Variants in ZNF653 observed in about 807,000 individuals in gnomAD.
The protein encoded by ZNF653 is zinc finger protein 653, also known as 67 kDa zinc finger protein.
A neutral mutation model predicts 59.9 loss-of-function variants in ZNF653; 37 were observed. That is an observed-to-expected ratio of 0.62 (90% CI 0.48 to 0.81). The LOEUF (loss-of-function observed/expected upper bound fraction) is 0.81. Among genes scored for constraint, ZNF653 ranks in the 40% least tolerant of loss-of-function variants. The probability of loss-of-function intolerance (pLI) is 0.00; values close to 1 mark genes in which losing one functional copy is unlikely to be tolerated. For missense variants in ZNF653, 808 were observed against 881.1 expected, an observed-to-expected ratio of 0.92 and a Z score of 1.05; for synonymous variants, 435 against 371.8, an observed-to-expected ratio of 1.17 and a Z score of -1.96.
chr19:11,487,572 G>A lies in ZNF653; in HGVS notation c.891C>T (p.Pro297=), dbSNP rs778197256. Residue 297 remains proline, a synonymous_variant, in exon 4 of 9, where the codon CCC becomes CCT. Coordinates refer to ENST00000293771, the MANE Select transcript of ZNF653 (RefSeq NM_138783.4). This position sits in a 1 kb window ranked among gnomAD's most constrained non-coding sequence, Gnocchi z 5.1. The part of the protein sequence containing the change: ...AGPSALFENV[P]QEALGEVVAS... ...CCACCACCTCACCCAGGGCCTCCTG[G>A]GGCACGTTCTCAAAGAGGGCGCTGG... is the stretch of plus-strand genomic sequence containing the variant. 9.9e-6 allele frequency: 16 copies of A among 1,613,804 alleles called. No homozygotes were observed. Among genetic ancestry groups the A allele is most frequent in the Non-Finnish European group, 1.3e-5 (15 of 1,179,982 alleles).
Position 11,483,667 on chromosome 19 carries a change from C to A in ZNF653, c.*15G>T. 6.2e-7 allele frequency: 1 copy of A among 1,604,694 alleles called. No homozygotes were observed. The highest frequency in any genetic ancestry group is 1.1e-5 in the South Asian group (1 of 90,874). On this transcript the variant is annotated 3_prime_UTR_variant, in exon 9 of 9. Transcript: ENST00000293771. ...GAGCGGACGAATAAATAGGGGCGGT[C>A]AGTGGTCAGGTGGGTCAGGTGGGCT...
Position 11,505,204 on chromosome 19 carries a change from C to T in ZNF653, c.299+284G>A, listed in dbSNP as rs573377434. The T allele has an allele frequency of 1.8e-5, 7 of 394,076 alleles. No individual in the cohort carries two copies. The East Asian group carries it at 2.7e-4, about 15-fold the overall frequency. 24.4% of individuals were successfully genotyped at this position (394,076 alleles called of 1,614,324 possible). ...TACAAGGCCTGGAGGTGGGGCCAGT[C>T]CCAGGATTGGGCCGCCAGAGTTCTA... On this transcript the variant is annotated intron_variant, in intron 1 of 8. Coordinates refer to ENST00000293771, the MANE Select transcript of ZNF653 (RefSeq NM_138783.4).
chr19:11,483,750 G>A lies in ZNF653; in HGVS notation c.1780C>T (p.Arg594Cys). ...TTGACGCTGTCCAGCTTCTCGAAGC[G>A]CTTCCCGCAGCGATCGCACGTGAAG... ...YNFTCDRCGK[R>C]FEKLDSVKFH... Residue 594 changes from arginine (R) to cysteine (C), a missense_variant, in exon 9 of 9, where the codon CGC (arginine) becomes TGC (cysteine). Transcript: ENST00000293771. 6.2e-7 allele frequency: 1 copy of A among 1,613,626 alleles called. No homozygotes were observed. The highest frequency in any genetic ancestry group is 2.2e-5 in the East Asian group (1 of 44,856).
Position 11,484,076 on chromosome 19 carries a change from G to A in ZNF653, c.1636C>T (p.His546Tyr). 1 of 1,559,954 alleles carries A rather than the reference G, an allele frequency of 6.4e-7. No homozygotes were observed. The highest frequency in any genetic ancestry group is 2.4e-5 in the East Asian group (1 of 41,622). ...GTCTCGCCGGTGTGGGTGCGCCGAT[G>A]TACCTCCAGGTGGTTCTTCCTCTTG... is the stretch of plus-strand genomic sequence containing the variant. ...SFKRKNHLEV[H>Y]RRTHTGETPL... Residue 546 changes from histidine to tyrosine, a missense_variant, in exon 8 of 9, where the codon CAT becomes TAT. Transcript: ENST00000293771.
intron 6 of ZNF653, 137 bp from the exon 7 acceptor site, chr19:11,485,907 GC>G: frequency 3.0e-6 from 2 of 668,110 alleles, no homozygotes; most frequent in South Asian, 3.5e-5. Context: ...CCCTTGCCCA[GC>G]TCAGAGATTC....
At chr19:11,503,519 G>A (rs1381574122) in intron 1 of ZNF653, among the ~76,000 whole-genome samples, 1 of 152,138 alleles carries the variant, frequency 6.6e-6, no homozygotes, top group Non-Finnish European at 1.5e-5. Flanking sequence ...CAGTAAACAA[G>A]CCTTTTGCCA....
Position 11,485,642 on chromosome 19 carries a change from G to A in ZNF653, c.1570+14C>T. 6.2e-7 allele frequency: 1 copy of A among 1,605,988 alleles called. No individual in the cohort carries two copies. Among genetic ancestry groups the A allele is most frequent in the Non-Finnish European group, 8.5e-7 (1 of 1,172,810 alleles). On this transcript the variant is annotated intron_variant, in intron 7 of 8. Coordinates refer to ENST00000293771, the MANE Select transcript of ZNF653 (RefSeq NM_138783.4). ...TGTCCCCCGCTCATGCTGCCAGCTG[G>A]CCCAGGGCCTGACCTGAATGGATGA...
rs1171069819 is a variant in ZNF653 at position 11,483,646 on chromosome 19, G to A, written c.*36C>T. On this transcript the variant is annotated 3_prime_UTR_variant, in exon 9 of 9. Coordinates refer to ENST00000293771, the MANE Select transcript of ZNF653 (RefSeq NM_138783.4). Reference sequence around the variant, plus strand: ...GCAAGCCCGGGCGTGGTGTCCGAGCGGACGAATAAATAGGGGCGGTCAGTG... The same window carrying A: ...GCAAGCCCGGGCGTGGTGTCCGAGCAGACGAATAAATAGGGGCGGTCAGTG... The A allele has an allele frequency of 4.4e-6, 7 of 1,596,854 alleles. No individual in the cohort carries two copies. Among genetic ancestry groups the A allele is most frequent in the Admixed American group, 1.7e-5 (1 of 59,510 alleles).
Position 11,503,033 on chromosome 19 carries a change from C to CA in ZNF653, c.299+2454dup, listed in dbSNP as rs948870549. ...TGGGTAACAGAGCAAGACTCCATCT[C>CA]AAAAAAAAAAAAGGTGGGGGGGGCA... is the stretch of plus-strand genomic sequence containing the variant. On this transcript the variant is annotated intron_variant, in intron 1 of 8. Transcript: ENST00000293771. Among the ~76,000 whole-genome samples the CA allele has an allele frequency of 5.5e-3, 657 of 119,146 alleles. 3 individuals carry two copies. The highest frequency in any genetic ancestry group is 0.011 in the African/African-American group (347 of 32,152). 78.2% of individuals were successfully genotyped at this position (119,146 alleles called of 152,430 possible).
chr19:11,494,698 AATAC>A (rs1260795935), intron 3 of ZNF653, among the ~76,000 whole-genome samples: 1 of 152,196 alleles, frequency 6.6e-6, no homozygotes, highest in Non-Finnish European at 1.5e-5. Flanking sequence ...CAGATAAATA[AATAC>A]ATACATAAAT....
At chr19:11,486,918 C>G in intron 5 of ZNF653, 38 bp from the exon 6 acceptor site, 1 of 1,611,380 alleles carries the variant, frequency 6.2e-7, no homozygotes, top group Non-Finnish European at 8.5e-7. Context: ...GGCTCCCGCA[C>G]CAGGCAGGCT....
At chr19:11,494,499 G>A (rs1187496014) in intron 3 of ZNF653, among the ~76,000 whole-genome samples, 4 of 151,960 alleles carry the variant, frequency 2.6e-5, no homozygotes, top group East Asian at 1.9e-4. Context: ...AAGACCAGCC[G>A]GCCAACATGG....
At chr19:11,502,253 G>C (rs536900907) in intron 1 of ZNF653, among the ~76,000 whole-genome samples, 1 of 151,734 alleles carries the variant, frequency 6.6e-6, no homozygotes. Context: ...CACCATGCCC[G>C]GCTAATTTTT....
At position 11,487,264 on chromosome 19, in the gene ZNF653, G is replaced by A; in HGVS notation, c.1171+28C>T. On this transcript the variant is annotated intron_variant, in intron 4 of 8. Coordinates refer to ENST00000293771, the MANE Select transcript of ZNF653 (RefSeq NM_138783.4). This position sits in a 1 kb window ranked among gnomAD's most constrained non-coding sequence, Gnocchi z 5.1. ...CCCCTCCCAGGCCCAACCACCCCTG[G>A]CCAGAGGCCACGACAGGTCCCCCAG... 6.2e-7 allele frequency: 1 copy of A among 1,603,816 alleles called. No homozygotes were observed.
chr19:11,496,570 T>C (rs1971591151), intron 2 of ZNF653, among the ~76,000 whole-genome samples: 1 of 151,642 alleles, frequency 6.6e-6, no homozygotes, highest in Non-Finnish European at 1.5e-5. Context: ...TTCCCTCCTC[T>C]GCTCAGAATC....
intron 1 of ZNF653, chr19:11,504,363 T>C (rs192881939): frequency 4.7e-6 from 1 of 210,722 alleles, no homozygotes; most frequent in East Asian, 1.9e-4. Flanking sequence ...ATCGTGCCAC[T>C]GCACTCCAGC....
rs1177824255 is a variant in ZNF653, at chr19:11,483,583, C to T, written c.*99G>A. The T allele has an allele frequency of 1.4e-6, 2 of 1,461,624 alleles. No homozygotes were observed. The highest frequency in any genetic ancestry group is 1.8e-6 in the Non-Finnish European group (2 of 1,101,266). The allele number at this position is 1,461,624 out of a possible 1,614,324, so 90.5% of individuals were successfully genotyped here. A position where few individuals can be genotyped will look rare whatever the true frequency, so the allele number is the denominator to read the frequency against. ...CGGGGCGGGGGCGCCTCCTTCCGGC[C>T]CGCGGTCCGGGCGGCCCTCGCAGCT... On this transcript the variant is annotated 3_prime_UTR_variant, in exon 9 of 9. Coordinates refer to ENST00000293771, the MANE Select transcript of ZNF653 (RefSeq NM_138783.4).
chr19:11,504,728 ATACT>A, intron 1 of ZNF653: 1 of 230,996 alleles, frequency 4.3e-6, no homozygotes, highest in Non-Finnish European at 7.1e-6. Flanking sequence ...GTAAAAGTTA[ATACT>A]TAGGGAACCC....
Position 11,483,460 on chromosome 19 carries a change from T to A in ZNF653, c.*222A>T, listed in dbSNP as rs1012259802. ...CTCGCTCTTTAATCTCACTCTGCTC[T>A]CTTGACACAGTTCCAGCAATGCAGC... On this transcript the variant is annotated 3_prime_UTR_variant, in exon 9 of 9. Transcript: ENST00000293771. 17 of 1,372,736 alleles carry A rather than the reference T, an allele frequency of 1.2e-5. No individual in the cohort carries two copies. The highest frequency in any genetic ancestry group is 1.6e-5 in the Non-Finnish European group (17 of 1,064,492). 85.0% of individuals were successfully genotyped at this position (1,372,736 alleles called of 1,614,324 possible).
Sources: gnomAD v4.1 joint callset for allele counts (sites outside exome capture counted in the v4.1 genomes callset) on GRCh38, gnomAD v4.1.1 for gene constraint, Gnocchi (gnomAD v3.1) non-coding constraint, MANE v1.5 for transcripts, NCBI Gene and HGNC (gene_info 2026-07-23, HGNC 2026-07-21) for gene names.